Variants in KCNAB1 observed in about 807,000 individuals in gnomAD.
The protein encoded by KCNAB1 is voltage-gated potassium channel subunit beta-1.
KCNAB1 carries 35 observed loss-of-function variants against 64.6 expected under a neutral mutation model. That is an observed-to-expected ratio of 0.54 (90% CI 0.41 to 0.72). The LOEUF is 0.72. Among genes scored for constraint, KCNAB1 ranks in the 30% least tolerant of loss-of-function variants. The pLI is 0.00. For synonymous variants in KCNAB1, 177 were observed against 183.8 expected (o/e 0.96, Z 0.30); for missense variants, 401 against 512.9 (o/e 0.78, Z 2.11).
chr3:156,346,168 C>T (rs1724470978), intron 1 of KCNAB1, among the ~76,000 whole-genome samples: 1 of 151,548 alleles, frequency 6.6e-6, no homozygotes, highest in Non-Finnish European at 1.5e-5. Context: ...CCATCAGACA[C>T]CTATAGGGAA....
intron 1 of KCNAB1, among the ~76,000 whole-genome samples, chr3:156,304,986 A>G (rs756473411): frequency 1.2e-4 from 19 of 152,072 alleles, no homozygotes; most frequent in Non-Finnish European, 2.4e-4. Flanking sequence ...ACACACATAC[A>G]TGAGGTCATA....
At chr3:156,257,412 T>G (rs1015260968) in intron 1 of KCNAB1, among the ~76,000 whole-genome samples, 1 of 152,116 alleles carries the variant, frequency 6.6e-6, no homozygotes, top group African/African-American at 2.4e-5. Context: ...AAAAGAGAAT[T>G]TTATAATAAA....
chr3:156,273,128 GAA>G (rs36084611), intron 1 of KCNAB1, among the ~76,000 whole-genome samples: 30 of 141,546 alleles, frequency 2.1e-4, no homozygotes, highest in South Asian at 9.1e-4. Flanking sequence ...CTCCTCAAGT[GAA>G]AAAAAAAAAA....
intron 11 of KCNAB1, among the ~76,000 whole-genome samples, chr3:156,520,929 C>G (rs1717903092): frequency 6.6e-6 from 1 of 152,096 alleles, no homozygotes; most frequent in African/African-American, 2.4e-5. Context: ...GAGTTCAATC[C>G]AAGATTAACT....
At chr3:156,183,258 C>A (rs537333840) in intron 1 of KCNAB1, among the ~76,000 whole-genome samples, 1 of 151,694 alleles carries the variant, frequency 6.6e-6, no homozygotes, top group African/African-American at 2.4e-5. Flanking sequence ...GGGTGCAGAG[C>A]CAAATTGAGG....
At chr3:156,197,312 C>G (rs1016703282) in intron 1 of KCNAB1, among the ~76,000 whole-genome samples, 1 of 152,154 alleles carries the variant, frequency 6.6e-6, no homozygotes, top group Non-Finnish European at 1.5e-5. Context: ...CAGGATGATG[C>G]TGGCCTCATA....
chr3:156,536,526 C>T (rs759300248), intron 13 of KCNAB1, 132 bp from the exon 14 acceptor site: 9 of 684,412 alleles, frequency 1.3e-5, no homozygotes, highest in South Asian at 6.8e-5. Flanking sequence ...GTGTTGGGGG[C>T]GGGGGGCTTA....
chr3:156,203,326 A>G (rs966600798), intron 1 of KCNAB1, among the ~76,000 whole-genome samples: 1 of 152,218 alleles, frequency 6.6e-6, no homozygotes, highest in African/African-American at 2.4e-5. Context: ...CATAATTTAG[A>G]TAGCATAGAA....
chr3:156,495,759 A>G (rs1715968775), intron 8 of KCNAB1, among the ~76,000 whole-genome samples: 1 of 152,190 alleles, frequency 6.6e-6, no homozygotes, highest in Non-Finnish European at 1.5e-5. Flanking sequence ...AGTAGTTAAC[A>G]TGTAAAGTGT....
intron 1 of KCNAB1, among the ~76,000 whole-genome samples, chr3:156,198,717 T>C (rs1320951886): frequency 9.0e-6 from 1 of 111,292 alleles, no homozygotes; most frequent in Non-Finnish European, 1.8e-5. Context: ...ATGGGTCTCC[T>C]GAATACGGCA....
chr3:156,251,844 A>T (rs1428517428), intron 1 of KCNAB1, among the ~76,000 whole-genome samples: 1 of 152,234 alleles, frequency 6.6e-6, no homozygotes, highest in African/African-American at 2.4e-5. Context: ...ACCTGTCTAT[A>T]AAGATTTATA....
At chr3:156,132,616 G>A (rs1370227579) in intron 1 of KCNAB1, among the ~76,000 whole-genome samples, 1 of 152,168 alleles carries the variant, frequency 6.6e-6, no homozygotes. Flanking sequence ...TCAGGCACAT[G>A]GAAACAAGGG....
chr3:156,448,604 T>C (rs1166479956), intron 2 of KCNAB1, among the ~76,000 whole-genome samples: 1 of 152,060 alleles, frequency 6.6e-6, no homozygotes, highest in African/African-American at 2.4e-5. Context: ...AGAAAGACTT[T>C]CCCTTGGCCT....
At chr3:156,232,088 C>T (rs1716564292) in intron 1 of KCNAB1, among the ~76,000 whole-genome samples, 1 of 152,146 alleles carries the variant, frequency 6.6e-6, no homozygotes, top group Admixed American at 6.5e-5. Flanking sequence ...ATCCCTTATT[C>T]AACATCAAAC....
intron 1 of KCNAB1, among the ~76,000 whole-genome samples, chr3:156,368,922 C>T (rs566733913): frequency 5.3e-5 from 8 of 152,268 alleles, no homozygotes; most frequent in Non-Finnish European, 1.0e-4. Context: ...GGCTATTGCT[C>T]TTTCTTTGCT....
chr3:156,432,436 A>G (rs181535234), intron 2 of KCNAB1, among the ~76,000 whole-genome samples: 1 of 152,332 alleles, frequency 6.6e-6, no homozygotes, highest in Admixed American at 6.5e-5. Flanking sequence ...TGGATGATGA[A>G]AATATGCAAA....
intron 12 of KCNAB1, among the ~76,000 whole-genome samples, chr3:156,526,485 T>C (rs1718316438): frequency 1.3e-5 from 2 of 152,236 alleles, no homozygotes; most frequent in African/African-American, 4.8e-5. Flanking sequence ...TACTTTGTTT[T>C]CTACAAATCT....
intron 1 of KCNAB1, among the ~76,000 whole-genome samples, chr3:156,222,915 G>A (rs1715875175): frequency 6.6e-6 from 1 of 152,172 alleles, no homozygotes; most frequent in African/African-American, 2.4e-5. Flanking sequence ...CAAAACCTCT[G>A]GGATATAGCA....
At chr3:156,528,774 C>A (rs967580517) in intron 12 of KCNAB1, among the ~76,000 whole-genome samples, 1 of 152,142 alleles carries the variant, frequency 6.6e-6, no homozygotes. Flanking sequence ...CAGGTGAGTG[C>A]TCCTGAAGCA....
Sources: gnomAD v4.1 joint callset for allele counts (sites outside exome capture counted in the v4.1 genomes callset) on GRCh38, gnomAD v4.1.1 for gene constraint, MANE v1.5 for transcripts, NCBI Gene and HGNC (gene_info 2026-07-23, HGNC 2026-07-21) for gene names.